Variants in HSD17B12 observed in about 807,000 individuals in gnomAD.
The protein encoded by HSD17B12 is very-long-chain 3-oxoacyl-CoA reductase.
A neutral mutation model predicts 39.3 loss-of-function variants in HSD17B12; 32 were observed. That is an observed-to-expected ratio of 0.81 (90% CI 0.61 to 1.09). HSD17B12 has a LOEUF of 1.09. HSD17B12 is among the 50% of genes least tolerant of loss of function. The probability of loss-of-function intolerance (pLI) is 0.00; values close to 1 mark genes in which losing one functional copy is unlikely to be tolerated. For missense variants in HSD17B12, 342 were observed against 382.9 expected (o/e 0.89, Z 0.89); for synonymous variants, 150 against 146.7 (o/e 1.02, Z -0.16).
At chr11:43,742,139 A>ATATATTTTTT (rs61178234) in intron 1 of HSD17B12, among the ~76,000 whole-genome samples, 7 of 123,510 alleles carry the variant, frequency 5.7e-5, no homozygotes, top group African/African-American at 1.8e-4. Context: ...ATATATATAT[A>ATATATTTTTT]TTTTTTTTTT....
At chr11:43,641,232 GA>G in the HSD17B12 span, among the ~76,000 whole-genome samples, 137,730 of 151,694 alleles carry the variant, frequency 0.91, 63,393 homozygotes, top group Non-Finnish European at 0.98. Context: ...ATTTGTTGGG[GA>G]AAAAATGAGA....
intron 1 of HSD17B12, among the ~76,000 whole-genome samples, chr11:43,689,096 G>C (rs1949829263): frequency 6.6e-6 from 1 of 152,016 alleles, no homozygotes; most frequent in Non-Finnish European, 1.5e-5. Context: ...TCCTTGCTTG[G>C]GTAAAAGATT....
intron 2 of HSD17B12, among the ~76,000 whole-genome samples, chr11:43,753,689 C>G (rs1950485459): frequency 6.6e-6 from 1 of 151,638 alleles, no homozygotes; most frequent in Non-Finnish European, 1.5e-5. Flanking sequence ...GCTGGGATTA[C>G]AGGCGTGAAC....
upstream of HSD17B12, among the ~76,000 whole-genome samples, chr11:43,679,276 C>T (rs913298999): frequency 4.6e-5 from 7 of 152,222 alleles, no homozygotes; most frequent in Admixed American, 2.0e-4. Flanking sequence ...GATTTTTGCA[C>T]ATTGAGTTAC....
chr11:43,622,762 G>A, the HSD17B12 span, among the ~76,000 whole-genome samples: 1 of 151,944 alleles, frequency 6.6e-6, no homozygotes, highest in East Asian at 1.9e-4. Flanking sequence ...AGAAAAGAGG[G>A]CATGAATAAG....
chr11:43,657,250 C>T, the HSD17B12 span, among the ~76,000 whole-genome samples: 1 of 152,250 alleles, frequency 6.6e-6, no homozygotes, highest in African/African-American at 2.4e-5. Flanking sequence ...TTTCCATTTA[C>T]TTGGTAGATC....
At chr11:43,653,257 TGA>T in the HSD17B12 span, among the ~76,000 whole-genome samples, 1 of 152,172 alleles carries the variant, frequency 6.6e-6, no homozygotes, top group African/African-American at 2.4e-5. Flanking sequence ...TGCAAAAAGA[TGA>T]GTCTTGTTCC....
intron 5 of HSD17B12, among the ~76,000 whole-genome samples, chr11:43,815,722 A>G (rs1951116200): frequency 6.6e-6 from 1 of 152,188 alleles, no homozygotes; most frequent in Non-Finnish European, 1.5e-5. Flanking sequence ...ATAGAATGAG[A>G]AAATATTTAT....
chr11:43,808,141 T>C (rs930258725), intron 4 of HSD17B12, among the ~76,000 whole-genome samples: 5 of 152,118 alleles, frequency 3.3e-5, no homozygotes, highest in Non-Finnish European at 5.9e-5. Context: ...TATGTTAAGC[T>C]TAAGAGGGTG....
chr11:43,575,532 C>A, the HSD17B12 span, among the ~76,000 whole-genome samples: 1 of 152,244 alleles, frequency 6.6e-6, no homozygotes, highest in Non-Finnish European at 1.5e-5. This position sits in a 1 kb window ranked among gnomAD's most constrained non-coding sequence, Gnocchi z 4.1. Context: ...CTGCTGGGCA[C>A]GCCCCTCGGG....
rs755124587 is a variant in HSD17B12 at position 43,754,003 on chromosome 11, G to GC, written c.208-43_208-42insC. On this transcript the variant is annotated intron_variant, in intron 2 of 10. Coordinates refer to ENST00000278353, the MANE Select transcript of HSD17B12 (RefSeq NM_016142.3). ...GGTTATAGCTCATTAATGTTTTTCAGTGACATGCACAGGTGTGATTCAAAT... is the reference window on the plus strand; with the variant it reads ...GGTTATAGCTCATTAATGTTTTTCAGCTGACATGCACAGGTGTGATTCAAAT... 3.8e-6 allele frequency: 5 copies of GC among 1,311,472 alleles called. No individual in the cohort carries two copies. The South Asian group carries it at 3.8e-5, about 10-fold the overall frequency. The allele number at this position is 1,311,472 out of a possible 1,614,324, so 81.2% of individuals were successfully genotyped here.
At chr11:43,609,131 A>G in the HSD17B12 span, among the ~76,000 whole-genome samples, 3 of 150,864 alleles carry the variant, frequency 2.0e-5, no homozygotes, top group African/African-American at 7.3e-5. Flanking sequence ...GTTAGGACCA[A>G]TTTTCGTCAT....
chr11:43,574,425 C>A, the HSD17B12 span, among the ~76,000 whole-genome samples: 1 of 152,206 alleles, frequency 6.6e-6, no homozygotes, highest in Non-Finnish European at 1.5e-5. Flanking sequence ...TTCTGGTTTT[C>A]CCCCTCTCAG....
chr11:43,635,565 C>G, the HSD17B12 span, among the ~76,000 whole-genome samples: 2 of 152,140 alleles, frequency 1.3e-5, no homozygotes, highest in African/African-American at 2.4e-5. Context: ...GGGTTCTGAA[C>G]CCAGGGGTTG....
At chr11:43,670,363 G>A in the HSD17B12 span, 1 of 152,072 alleles carries the variant, frequency 6.6e-6, no homozygotes, top group African/African-American at 2.4e-5. Context: ...TAAGCAAAAT[G>A]AAACACCATG....
chr11:43,730,486 A>C (rs1950258355), intron 1 of HSD17B12, among the ~76,000 whole-genome samples: 1 of 152,158 alleles, frequency 6.6e-6, no homozygotes, highest in South Asian at 2.1e-4. Flanking sequence ...AATTGTGTTG[A>C]GCTTCCATGG....
At chr11:43,594,305 G>A in the HSD17B12 span, among the ~76,000 whole-genome samples, 2 of 151,800 alleles carry the variant, frequency 1.3e-5, no homozygotes, top group Non-Finnish European at 2.9e-5. Context: ...CAAATAAGAA[G>A]GTTGAATCTA....
chr11:43,841,555 A>G lies in HSD17B12; in HGVS notation c.684+1491A>G, dbSNP rs551025865. On this transcript the variant is annotated intron_variant, in intron 9 of 10. Coordinates refer to ENST00000278353, the MANE Select transcript of HSD17B12 (RefSeq NM_016142.3). ...ATCCATTTTGAGTTAACTTTTATATACCTTTGAGTTTATTATGTAGCTAGC... is the reference window on the plus strand; with the variant it reads ...ATCCATTTTGAGTTAACTTTTATATGCCTTTGAGTTTATTATGTAGCTAGC... Among the ~76,000 whole-genome samples the G allele has an allele frequency of 2.0e-5, 3 of 152,310 alleles. No homozygotes were observed. In the East Asian group the frequency reaches 5.8e-4, roughly 29 times the overall value.
chr11:43,808,504 G>A (rs1951040169), intron 4 of HSD17B12, among the ~76,000 whole-genome samples: 1 of 152,080 alleles, frequency 6.6e-6, no homozygotes, highest in Non-Finnish European at 1.5e-5. Context: ...TGGGTAATTA[G>A]CTCTGTTATT....
Sources: gnomAD v4.1 joint callset for allele counts (sites outside exome capture counted in the v4.1 genomes callset) on GRCh38, gnomAD v4.1.1 for gene constraint, Gnocchi (gnomAD v3.1) non-coding constraint, MANE v1.5 for transcripts, NCBI Gene and HGNC (gene_info 2026-07-23, HGNC 2026-07-21) for gene names.